Variants in GALNT13 observed in about 807,000 individuals in gnomAD.
GALNT13 encodes the protein UDP-GalNAc:polypeptide N-acetylgalactosaminyltransferase 13.
Under a neutral mutation model 64.2 loss-of-function variants are expected in GALNT13, and 28 were observed. That is an observed-to-expected ratio of 0.44 (90% CI 0.32 to 0.60). GALNT13 has a LOEUF of 0.60. GALNT13 is among the 20% of genes least tolerant of loss of function. The pLI is 0.05. For synonymous variants in GALNT13, 214 were observed against 224.6 expected (o/e 0.95, Z 0.42); for missense variants, 577 against 669.8 (o/e 0.86, Z 1.53).
At chr2:153,426,580 G>A in the GALNT13 span, among the ~76,000 whole-genome samples, 2 of 151,924 alleles carry the variant, frequency 1.3e-5, no homozygotes. Context: ...TTTACATCAC[G>A]TTCATGTGCA....
chr2:154,347,844 A>G (rs1476919945), intron 9 of GALNT13, among the ~76,000 whole-genome samples: 2 of 152,182 alleles, frequency 1.3e-5, no homozygotes, highest in African/African-American at 4.8e-5. Context: ...GTAACATTCT[A>G]AGATCATACT....
chr2:153,082,614 T>C, the GALNT13 span, among the ~76,000 whole-genome samples: 237 of 31,236 alleles, frequency 7.6e-3, no homozygotes, highest in African/African-American at 0.016. Flanking sequence ...TATATATATA[T>C]ATATACACAC....
At chr2:153,631,642 A>G in the GALNT13 span, among the ~76,000 whole-genome samples, 1 of 152,086 alleles carries the variant, frequency 6.6e-6, no homozygotes, top group African/African-American at 2.4e-5. Flanking sequence ...TCCTTCACCC[A>G]CTTGTTGATG....
chr2:153,072,127 AATCT>A, the GALNT13 span, among the ~76,000 whole-genome samples: 11 of 152,246 alleles, frequency 7.2e-5, no homozygotes, highest in African/African-American at 2.4e-4. Flanking sequence ...TCTGCTGCTC[AATCT>A]AAGTCCAAAA....
intron 3 of GALNT13, among the ~76,000 whole-genome samples, chr2:154,013,710 C>T (rs1047486103): frequency 8.5e-5 from 13 of 152,122 alleles, no homozygotes; most frequent in Admixed American, 8.5e-4. Context: ...GGGCGCAGTG[C>T]TGGCAGGGGT....
chr2:153,536,372 T>A, the GALNT13 span, among the ~76,000 whole-genome samples: 4 of 152,258 alleles, frequency 2.6e-5, no homozygotes, highest in African/African-American at 9.6e-5. Context: ...ATTCTCTGTA[T>A]CTGCCTGCCT....
rs148782349 is a variant in GALNT13 at position 153,957,466 on chromosome 2, T to C, written c.142+12827T>C. 1.4e-3 allele frequency among the ~76,000 whole-genome samples: 213 copies of C among 152,328 alleles called. 1 individual carries two copies. The highest frequency in any genetic ancestry group is 2.1e-3 in the Non-Finnish European group (142 of 68,028). On this transcript the variant is annotated intron_variant, in intron 3 of 12. Transcript: ENST00000392825. ...AGGGACAATGGTCCAAGACTTCCAGTAAACTTACTTGAGTAAGACAGTTTG... is the reference window on the plus strand; with the variant it reads ...AGGGACAATGGTCCAAGACTTCCAGCAAACTTACTTGAGTAAGACAGTTTG...
At chr2:153,505,099 T>C in the GALNT13 span, among the ~76,000 whole-genome samples, 1 of 152,174 alleles carries the variant, frequency 6.6e-6, no homozygotes, top group Non-Finnish European at 1.5e-5. Flanking sequence ...CTTCCTGGTA[T>C]AATCTAGGAG....
At chr2:153,880,114 A>G (rs1172355236) in intron 1 of GALNT13, among the ~76,000 whole-genome samples, 1 of 152,160 alleles carries the variant, frequency 6.6e-6, no homozygotes, top group African/African-American at 2.4e-5. Flanking sequence ...TTTTCCTGTA[A>G]TGCTCCTCAT....
At chr2:153,740,615 C>A in the GALNT13 span, among the ~76,000 whole-genome samples, 1 of 151,956 alleles carries the variant, frequency 6.6e-6, no homozygotes, top group African/African-American at 2.4e-5. Context: ...TTGTATCCTG[C>A]GCCTTATGAA....
chr2:153,098,792 C>T, the GALNT13 span, among the ~76,000 whole-genome samples: 1 of 152,026 alleles, frequency 6.6e-6, no homozygotes, highest in South Asian at 2.1e-4. Flanking sequence ...AGTCGAATTC[C>T]TAAGCCAAAG....
chr2:153,574,518 G>T, the GALNT13 span, among the ~76,000 whole-genome samples: 1 of 152,114 alleles, frequency 6.6e-6, no homozygotes, highest in Non-Finnish European at 1.5e-5. Flanking sequence ...TCTAGATTCT[G>T]TAGGCATGCT....
chr2:154,110,304 T>TAG (rs1702876697), intron 3 of GALNT13, among the ~76,000 whole-genome samples: 1 of 37,512 alleles, frequency 2.7e-5, no homozygotes, highest in Admixed American at 2.8e-4. Context: ...TATATATATA[T>TAG]ATATATATAT....
chr2:154,286,131 C>T (rs1311849232), intron 8 of GALNT13, among the ~76,000 whole-genome samples: 1 of 152,140 alleles, frequency 6.6e-6, no homozygotes, highest in Non-Finnish European at 1.5e-5. Context: ...CATCAGCAAA[C>T]AGAGATAATT....
At chr2:153,558,227 A>G in the GALNT13 span, among the ~76,000 whole-genome samples, 8 of 152,102 alleles carry the variant, frequency 5.3e-5, no homozygotes, top group Non-Finnish European at 1.2e-4. Flanking sequence ...TGCAAACAGC[A>G]CTCTTCAATT....
At chr2:153,326,949 T>C in the GALNT13 span, among the ~76,000 whole-genome samples, 2 of 152,042 alleles carry the variant, frequency 1.3e-5, no homozygotes, top group African/African-American at 4.8e-5. Flanking sequence ...CTGGGTGTGG[T>C]GGCATGCGCC....
At chr2:154,147,404 T>G (rs998487560) in intron 4 of GALNT13, among the ~76,000 whole-genome samples, 1 of 149,586 alleles carries the variant, frequency 6.7e-6, no homozygotes, top group Admixed American at 6.7e-5. Context: ...TATATATATC[T>G]CCTAGTATGT....
At chr2:153,772,600 G>C in the GALNT13 span, among the ~76,000 whole-genome samples, 1 of 152,250 alleles carries the variant, frequency 6.6e-6, no homozygotes, top group Admixed American at 6.5e-5. Context: ...TTTATGCACT[G>C]TTTTGCTATT....
At chr2:153,353,532 T>G in the GALNT13 span, among the ~76,000 whole-genome samples, 1 of 152,258 alleles carries the variant, frequency 6.6e-6, no homozygotes, top group African/African-American at 2.4e-5. Flanking sequence ...ATTCCTAATC[T>G]TAGTGGTAAA....
Sources: gnomAD v4.1 joint callset for allele counts (sites outside exome capture counted in the v4.1 genomes callset) on GRCh38, gnomAD v4.1.1 for gene constraint, MANE v1.5 for transcripts, NCBI Gene and HGNC (gene_info 2026-07-23, HGNC 2026-07-21) for gene names.